VSX2: variants seen among roughly 807,000 people sequenced by gnomAD.
VSX2 encodes visual system homeobox 2.
Under a neutral mutation model 32.1 loss-of-function variants are expected in VSX2, and 28 were observed. The ratio of observed to expected loss-of-function variants is 0.87; its 90% CI spans 0.65 to 1.20. VSX2 has a LOEUF of 1.20. VSX2 is among the 50% of genes most tolerant of loss of function. The pLI is 0.00. For missense variants in VSX2, 506 were observed against 488.7 expected (o/e 1.04, Z -0.33); for synonymous variants, 243 against 214.1 (o/e 1.14, Z -1.18).
Position 74,241,123 on chromosome 14 carries a change from T to A in VSX2, c.371-59T>A, listed in dbSNP as rs879882193. Reference sequence around the variant, plus strand: ...AGCCCGGGGTGGGGCCCTCGCGGGTTTCGGGCACAGCGGAGCGCGTCCCCC... The same window carrying A: ...AGCCCGGGGTGGGGCCCTCGCGGGTATCGGGCACAGCGGAGCGCGTCCCCC... On this transcript the variant is annotated intron_variant, in intron 1 of 4. Transcript: ENST00000261980. 4.4e-4 allele frequency: 696 copies of A among 1,575,024 alleles called. 1 individual carries two copies. Among genetic ancestry groups the A allele is most frequent in the Non-Finnish European group, 5.2e-4 (600 of 1,149,928 alleles).
chr14:74,241,004 G>A (rs1226164061), intron 1 of VSX2, among the ~76,000 whole-genome samples, 178 bp from the exon 2 acceptor site: 2 of 152,190 alleles, frequency 1.3e-5, no homozygotes, highest in Non-Finnish European at 2.9e-5. Flanking sequence ...CCCCGGCGCG[G>A]GAGAGGTCAG....
Position 74,261,272 on chromosome 14 carries a change from T to C in VSX2, c.*353T>C. 3.3e-6 allele frequency: 1 copy of C among 305,890 alleles called. No homozygotes were observed. Among genetic ancestry groups the C allele is most frequent in the African/African-American group, 2.1e-5 (1 of 48,178 alleles). 18.9% of individuals were successfully genotyped at this position (305,890 alleles called of 1,614,324 possible). A position where few individuals can be genotyped will look rare whatever the true frequency, so the allele number is the denominator to read the frequency against. On this transcript the variant is annotated 3_prime_UTR_variant, in exon 5 of 5. Transcript: ENST00000261980. ...TTTAAAGAGTCCTCCTTCCCAGCTCTACATTCTGCTCTGCCCATGCCTAAA... is the reference window on the plus strand; with the variant it reads ...TTTAAAGAGTCCTCCTTCCCAGCTCCACATTCTGCTCTGCCCATGCCTAAA...
intron 3 of VSX2, among the ~76,000 whole-genome samples, chr14:74,250,383 A>G (rs1481344812): frequency 6.6e-6 from 1 of 152,202 alleles, no homozygotes; most frequent in African/African-American, 2.4e-5. Context: ...TTGTGAGGGC[A>G]GGCTACATAT....
At position 74,245,408 on chromosome 14, in the gene VSX2, A is replaced by G. The variant is rs556513880; in HGVS notation, c.579+120A>G. Reference sequence around the variant, plus strand: ...CCCCACTGTGGGCATGTGCTTGCCTATGATCATGTTCTCAGCCTATTTAAG... The same window carrying G: ...CCCCACTGTGGGCATGTGCTTGCCTGTGATCATGTTCTCAGCCTATTTAAG... On this transcript the variant is annotated intron_variant, in intron 3 of 4. Coordinates refer to ENST00000261980, the MANE Select transcript of VSX2 (RefSeq NM_182894.3). 51 of 1,394,604 alleles carry G rather than the reference A, an allele frequency of 3.7e-5. No individual in the cohort carries two copies. The African/African-American group carries it at 6.7e-4, about 18-fold the overall frequency. The allele number at this position is 1,394,604 out of a possible 1,614,324, so 86.4% of individuals were successfully genotyped here. A position where few individuals can be genotyped will look rare whatever the true frequency, so the allele number is the denominator to read the frequency against.
At chr14:74,240,057 G>A in intron 1 of VSX2, 126 bp downstream of exon 1, 1 of 1,321,086 alleles carries the variant, frequency 7.6e-7, no homozygotes, top group East Asian at 2.6e-5. Context: ...GGGGGTCGCC[G>A]CCTGGGCCTT....
At chr14:74,259,454 G>C in intron 3 of VSX2, 148 bp from the exon 4 acceptor site, 1 of 819,776 alleles carries the variant, frequency 1.2e-6, no homozygotes, top group Non-Finnish European at 2.0e-6. Flanking sequence ...CCCTGAGCCT[G>C]GAGGAACACA....
At chr14:74,258,321 G>A (rs2079280830) in intron 3 of VSX2, among the ~76,000 whole-genome samples, 1 of 152,098 alleles carries the variant, frequency 6.6e-6, no homozygotes, top group Admixed American at 6.5e-5. Flanking sequence ...TGCCCCTGGG[G>A]GTGACTCTTC....
Position 74,241,209 on chromosome 14 carries a change from G to A in VSX2, c.398G>A (p.Arg133Gln). 6.2e-7 allele frequency: 1 copy of A among 1,613,436 alleles called. No homozygotes were observed. Among genetic ancestry groups the A allele is most frequent in the East Asian group, 2.2e-5 (1 of 44,870 alleles). The change falls in exon 2 of 5, where the codon CGA becomes CAA. Residue 133 changes from arginine (R) to glutamine (Q), a missense_variant. Coordinates refer to ENST00000261980, the MANE Select transcript of VSX2 (RefSeq NM_182894.3). ...TCTGAAGATGTTTCCTCCAGCGATC[G>A]AAAAATGTCCAAATCTGCTTTAAAC... ...SDSEDVSSSD[R>Q]KMSKSALNQT...
At chr14:74,251,970 C>A (rs960457074) in intron 3 of VSX2, among the ~76,000 whole-genome samples, 2 of 152,164 alleles carry the variant, frequency 1.3e-5, no homozygotes, top group Non-Finnish European at 2.9e-5. Flanking sequence ...AGCGAGGAGA[C>A]CAGAATGTGC....
intron 2 of VSX2, among the ~76,000 whole-genome samples, chr14:74,244,748 A>T (rs2079172744): frequency 6.6e-6 from 1 of 151,868 alleles, no homozygotes; most frequent in Non-Finnish European, 1.5e-5. Context: ...ACCTCCAGAA[A>T]GATTCCCAGT....
chr14:74,248,334 T>TAA (rs781035795), intron 3 of VSX2, among the ~76,000 whole-genome samples: 1,701 of 84,578 alleles, frequency 0.02, 33 homozygotes, highest in African/African-American at 0.04. Context: ...GAGACCAGGC[T>TAA]AAAAAAAAAA....
chr14:74,242,505 G>C (rs1453761347), intron 2 of VSX2, among the ~76,000 whole-genome samples: 3 of 151,854 alleles, frequency 2.0e-5, no homozygotes, highest in Non-Finnish European at 4.4e-5. Flanking sequence ...CTTCGACTTG[G>C]TTTCTCCGGA....
rs1272148925 is a variant in VSX2, at chr14:74,260,679, G to A, written c.846G>A (p.Lys282=). 1 of 1,599,346 alleles carries A rather than the reference G, an allele frequency of 6.3e-7. No homozygotes were observed. The highest frequency in any genetic ancestry group is 1.3e-5 in the African/African-American group (1 of 74,922). Reference sequence around the variant, plus strand: ...GCCAGGCCCTGCCCAAGCTCGACAAGATGGAGCAGGACGAGCGGGGCCCCG... The same window carrying A: ...GCCAGGCCCTGCCCAAGCTCGACAAAATGGAGCAGGACGAGCGGGGCCCCG... ...GERQALPKLD[K]MEQDERGPDA... The change falls in exon 5 of 5, where the codon AAG becomes AAA. Residue 282 remains lysine, a synonymous_variant. Transcript: ENST00000261980.
At position 74,261,204 on chromosome 14, in the gene VSX2, A is replaced by G; in HGVS notation, c.*285A>G. Reference sequence around the variant, plus strand: ...AGCCCCTTCTCTCAATCCCTTTGCAACGCTCACTGGTTTTGGCCACCCCTT... The same window carrying G: ...AGCCCCTTCTCTCAATCCCTTTGCAGCGCTCACTGGTTTTGGCCACCCCTT... On this transcript the variant is annotated 3_prime_UTR_variant, in exon 5 of 5. Coordinates refer to ENST00000261980, the MANE Select transcript of VSX2 (RefSeq NM_182894.3). 4.2e-6 allele frequency: 2 copies of G among 479,838 alleles called. No homozygotes were observed. The highest frequency in any genetic ancestry group is 3.4e-5 in the South Asian group (1 of 29,610). The allele number at this position is 479,838 out of a possible 1,614,324, so 29.7% of individuals were successfully genotyped here. A position where few individuals can be genotyped will look rare whatever the true frequency, so the allele number is the denominator to read the frequency against.
At position 74,260,864 on chromosome 14, in the gene VSX2, A is replaced by T; in HGVS notation, c.1031A>T (p.Asp344Val). Residue 344 changes from aspartate (D) to valine (V), a missense_variant, in exon 5 of 5, where the codon GAT becomes GTT. Physicochemically the swap from Asp to Val is radical, Grantham distance 152. Coordinates refer to ENST00000261980, the MANE Select transcript of VSX2 (RefSeq NM_182894.3). ...AAGCCAGAGGAGGAGGAGGCCATGG[A>T]TGAAGACAGGCCGGCGGAGAGGCTC... is the stretch of plus-strand genomic sequence containing the variant. ...TEKPEEEEAM[D>V]EDRPAERLSP... 2 of 1,569,222 alleles carry T rather than the reference A, an allele frequency of 1.3e-6. No homozygotes were observed. Among genetic ancestry groups the T allele is most frequent in the Non-Finnish European group, 1.7e-6 (2 of 1,157,424 alleles).
chr14:74,254,884 A>G (rs1042546931), intron 3 of VSX2, among the ~76,000 whole-genome samples: 3 of 147,500 alleles, frequency 2.0e-5, no homozygotes, highest in African/African-American at 5.1e-5. Context: ...GGTTCACGCC[A>G]TTCTCCTGCC....
intron 3 of VSX2, among the ~76,000 whole-genome samples, chr14:74,245,508 G>A (rs997885769): frequency 6.6e-6 from 1 of 152,258 alleles, no homozygotes; most frequent in East Asian, 1.9e-4. Flanking sequence ...TGTTGTTCCA[G>A]ACTATAGGCT....
rs747278788 is a variant in VSX2, at chr14:74,259,734, A to C, written c.712A>C (p.Lys238Gln). The change falls in exon 4 of 5, where the codon AAG becomes CAG. Residue 238 changes from lysine to glutamine, a missense_variant. Physicochemically the swap from Lys to Gln is moderately conservative, Grantham distance 53. Transcript: ENST00000261980. ...CATCCCCCTGCCCGAGTCCATCCTC[A>C]AGTCAGCCAAGGATGGCATCATGGA... ...HSIPLPESIL[K>Q]SAKDGIMDSC... 12 of 1,613,566 alleles carry C rather than the reference A, an allele frequency of 7.4e-6. No homozygotes were observed. Among genetic ancestry groups the C allele is most frequent in the Non-Finnish European group, 1.0e-5 (12 of 1,179,734 alleles).
chr14:74,241,102 C>T, intron 1 of VSX2, 80 bp from the exon 2 acceptor site: 7 of 1,486,236 alleles, frequency 4.7e-6, no homozygotes, highest in African/African-American at 1.4e-5. Context: ...GGAGGCAGCC[C>T]GGGGTGGGGC....
Sources: gnomAD v4.1 joint callset for allele counts (sites outside exome capture counted in the v4.1 genomes callset) on GRCh38, gnomAD v4.1.1 for gene constraint, MANE v1.5 for transcripts, NCBI Gene and HGNC (gene_info 2026-07-23, HGNC 2026-07-21) for gene names.